Variants in PAK6 observed in about 807,000 individuals in gnomAD.
PAK6 encodes the protein p21 (RAC1) activated kinase 6.
Under a neutral mutation model 60.8 loss-of-function variants are expected in PAK6, and 33 were observed. The ratio of observed to expected loss-of-function variants is 0.54; its 90% CI spans 0.41 to 0.73. PAK6 has a LOEUF of 0.73. Among genes scored for constraint, PAK6 ranks in the 30% least tolerant of loss-of-function variants. The pLI, the probability that PAK6 is intolerant of heterozygous loss-of-function variation, is 0.00. For missense variants in PAK6, 845 were observed against 904.1 expected (o/e 0.93, Z 0.84); for synonymous variants, 404 against 378.5 (o/e 1.07, Z -0.78).
At chr15:40,246,413 A>G (rs2038495857) in intron 2 of PAK6, 1 of 152,196 alleles carries the variant, frequency 6.6e-6, no homozygotes, top group African/African-American at 2.4e-5. Flanking sequence ...TTTCTATTCC[A>G]CTAGAGTGGA....
chr15:40,240,734 G>T (rs1196447218), intron 2 of PAK6, 53 bp downstream of exon 2: 3 of 424,454 alleles, frequency 7.1e-6, no homozygotes, highest in East Asian at 7.2e-5. Flanking sequence ...AGGGACGGGG[G>T]TGCCAAGGTG....
rs111514446 is a variant in PAK6 at position 40,249,562 on chromosome 15, C to A, written c.-117-3616C>A. On this transcript the variant is annotated intron_variant, in intron 2 of 10. Transcript: ENST00000560346. ...TTCTATTATTAGGGGAGGGCTGAGT[C>A]GCCCAGAGGAAGGAGTCTGAACGGA... 3.2e-3 allele frequency among the ~76,000 whole-genome samples: 494 copies of A among 152,264 alleles called. 2 individuals carry two copies. The highest frequency in any genetic ancestry group is 6.9e-3 in the Admixed American group (105 of 15,296).
chr15:40,264,491 C>T, intron 3 of PAK6: 1 of 552,330 alleles, frequency 1.8e-6, no homozygotes, highest in Non-Finnish European at 3.4e-6. Context: ...AAAAACACAC[C>T]CCCAGAGTCT....
At chr15:40,268,579 G>C (rs2039213843) in intron 5 of PAK6, among the ~76,000 whole-genome samples, 1 of 152,194 alleles carries the variant, frequency 6.6e-6, no homozygotes, top group Non-Finnish European at 1.5e-5. Flanking sequence ...ACTTGCAGCA[G>C]CTTCCATAAC....
chr15:40,259,175 GA>G (rs1330533893), intron 3 of PAK6: 2 of 152,310 alleles, frequency 1.3e-5, no homozygotes, highest in Admixed American at 6.5e-5. Flanking sequence ...GGAGATGCTA[GA>G]GGGGCGACAG....
chr15:40,239,559 C>CCAGAAG (rs1469733949), exon 1 of PAK6: 1 of 152,486 alleles, frequency 6.6e-6, no homozygotes. Flanking sequence ...GCTGTGGGGG[C>CCAGAAG]CAGAAGTGCC....
rs560681332 is a variant in PAK6, at chr15:40,264,031, C to G, written c.-5-750C>G. On this transcript the variant is annotated intron_variant, in intron 3 of 10. Transcript: ENST00000560346. ...CTAAGTTAGCTGCCCCTCACCCACC[C>G]CAGGCTATCCTCTTGGCTCAGGGCC... The G allele has an allele frequency of 1.4e-5, 6 of 443,492 alleles. No individual in the cohort carries two copies. The East Asian group carries it at 4.2e-4, about 31-fold the overall frequency. The allele number at this position is 443,492 out of a possible 1,614,324, so 27.5% of individuals were successfully genotyped here.
chr15:40,261,174 C>T (rs2038975773), intron 3 of PAK6, among the ~76,000 whole-genome samples: 2 of 151,062 alleles, frequency 1.3e-5, no homozygotes, highest in Admixed American at 1.3e-4. Context: ...AGGCGTGAGC[C>T]ACCGCGCCTG....
exon 10 of PAK6, chr15:40,274,190 G>C: frequency 6.2e-7 from 1 of 1,613,994 alleles, no homozygotes; most frequent in Non-Finnish European, 8.5e-7. Flanking sequence ...GGTAGATGGG[G>C]AGCCACCGTA....
chr15:40,264,701 C>T (rs985625706), intron 3 of PAK6, 80 bp from the exon 4 acceptor site: 2 of 1,209,304 alleles, frequency 1.7e-6, no homozygotes, highest in African/African-American at 1.5e-5. Flanking sequence ...GGGGAGGGAG[C>T]CCTGAACCTG....
chr15:40,249,631 T>C (rs2038605303), intron 2 of PAK6, among the ~76,000 whole-genome samples: 1 of 152,224 alleles, frequency 6.6e-6, no homozygotes, highest in African/African-American at 2.4e-5. Context: ...CAGAAAACTT[T>C]TCAAGTCATG....
exon 6 of PAK6, chr15:40,272,465 C>T (rs1473327400): frequency 6.2e-7 from 1 of 1,613,796 alleles, no homozygotes; most frequent in Non-Finnish European, 8.5e-7. Context: ...CTGTACCTGC[C>T]CCAGGACCCC....
At chr15:40,271,030 G>A (rs2039286511) in intron 5 of PAK6, among the ~76,000 whole-genome samples, 1 of 152,216 alleles carries the variant, frequency 6.6e-6, no homozygotes, top group South Asian at 2.1e-4. Context: ...TTTCCTGTAA[G>A]TTGTTTCAGC....
intron 3 of PAK6, among the ~76,000 whole-genome samples, chr15:40,263,112 C>T (rs1029843561): frequency 6.6e-6 from 1 of 152,188 alleles, no homozygotes; most frequent in Admixed American, 6.5e-5. Context: ...TGTCCAGGGT[C>T]CCTGCCTTTC....
chr15:40,265,934 C>G (rs1415962636), exon 5 of PAK6: 1 of 1,606,038 alleles, frequency 6.2e-7, no homozygotes, highest in Non-Finnish European at 8.5e-7. Flanking sequence ...GCTCCAACAC[C>G]CTGCGTGGCC....
chr15:40,252,527 C>T (rs1364177636), intron 2 of PAK6: 1 of 1,363,080 alleles, frequency 7.3e-7, no homozygotes, highest in Non-Finnish European at 9.8e-7. Flanking sequence ...CGCGTCCTAC[C>T]TGAGGCCACA....
intron 3 of PAK6, chr15:40,260,452 A>T (rs74010793): frequency 6.6e-6 from 1 of 152,094 alleles, no homozygotes; most frequent in African/African-American, 2.4e-5. Flanking sequence ...CTTCTGTTCC[A>T]TTGGTCTATT....
chr15:40,240,440 C>T (rs1164447383), intron 1 of PAK6, 159 bp from the exon 2 acceptor site: 10 of 346,022 alleles, frequency 2.9e-5, no homozygotes, highest in African/African-American at 8.7e-5. Flanking sequence ...GGCAGCTTTG[C>T]GGGCACCAGT....
intron 10 of PAK6, among the ~76,000 whole-genome samples, chr15:40,275,673 G>T (rs2039436662): frequency 2.0e-5 from 3 of 152,064 alleles, no homozygotes; most frequent in African/African-American, 7.2e-5. Flanking sequence ...GAAAACTGAG[G>T]CCTAGAGAAA....
Sources: gnomAD v4.1 joint callset for allele counts (sites outside exome capture counted in the v4.1 genomes callset) on GRCh38, gnomAD v4.1.1 for gene constraint, MANE v1.5 for transcripts, NCBI Gene and HGNC (gene_info 2026-07-23, HGNC 2026-07-21) for gene names.